Variants in RASEF observed in about 807,000 individuals in gnomAD.
RASEF encodes the protein RAS and EF-hand domain containing.
A neutral mutation model predicts 90.1 loss-of-function variants in RASEF; 68 were observed. That is an observed-to-expected ratio of 0.75 (90% CI 0.62 to 0.92). The LOEUF is 0.92. RASEF is among the 40% of genes least tolerant of loss of function. The pLI is 0.00. For synonymous variants in RASEF, 331 were observed against 345.2 expected (o/e 0.96, Z 0.46); for missense variants, 949 against 937.2 (o/e 1.01, Z -0.16).
the RASEF span, among the ~76,000 whole-genome samples, chr9:83,151,863 T>C: frequency 3.3e-5 from 5 of 152,112 alleles, no homozygotes; most frequent in South Asian, 2.1e-4. Flanking sequence ...GAAGGAACAA[T>C]AGAGACTTTT....
chr9:83,096,294 C>T, the RASEF span, among the ~76,000 whole-genome samples: 62 of 152,184 alleles, frequency 4.1e-4, no homozygotes, highest in Non-Finnish European at 6.6e-4. Flanking sequence ...GAAGTTTAGC[C>T]TTCCCTAGAT....
chr9:83,017,267 C>T (rs1431562491), intron 3 of RASEF, among the ~76,000 whole-genome samples: 2 of 148,886 alleles, frequency 1.3e-5, no homozygotes, highest in East Asian at 2.0e-4. Flanking sequence ...GGGTGGATCA[C>T]GAGGTCAGGA....
At chr9:82,997,831 A>G (rs1381000089) in intron 13 of RASEF, among the ~76,000 whole-genome samples, 1 of 152,240 alleles carries the variant, frequency 6.6e-6, no homozygotes, top group African/African-American at 2.4e-5. Flanking sequence ...GTACAGAGGC[A>G]GGCACCCCAT....
the RASEF span, among the ~76,000 whole-genome samples, chr9:83,171,591 A>G: frequency 4.6e-5 from 7 of 151,582 alleles, no homozygotes; most frequent in African/African-American, 1.7e-4. Flanking sequence ...AATTTTTATT[A>G]CTGTTTCTTT....
chr9:83,196,910 A>G, the RASEF span, among the ~76,000 whole-genome samples: 84,998 of 152,116 alleles, frequency 0.56, 24,791 homozygotes, highest in East Asian at 0.78. Flanking sequence ...TTTACCCAAC[A>G]CTTGGAACCA....
chr9:83,026,098 A>G (rs959131176), intron 1 of RASEF, among the ~76,000 whole-genome samples, 177 bp from the exon 2 acceptor site: 1 of 152,210 alleles, frequency 6.6e-6, no homozygotes, highest in Non-Finnish European at 1.5e-5. Context: ...ATTTTTCCCC[A>G]CAATAGGAGA....
chr9:83,029,992 A>G (rs1327480945), intron 1 of RASEF, among the ~76,000 whole-genome samples: 5 of 152,178 alleles, frequency 3.3e-5, no homozygotes, highest in African/African-American at 1.2e-4. Flanking sequence ...TGCCTTTGTC[A>G]TTTACTGACT....
the RASEF span, among the ~76,000 whole-genome samples, chr9:83,154,156 C>T: frequency 6.6e-6 from 1 of 152,266 alleles, no homozygotes; most frequent in Admixed American, 6.5e-5. Context: ...CTGCCACTTA[C>T]CAGGTCTTTG....
At chr9:83,147,661 T>C in the RASEF span, among the ~76,000 whole-genome samples, 4 of 152,242 alleles carry the variant, frequency 2.6e-5, no homozygotes, top group East Asian at 7.7e-4. Context: ...AGCTCTGCCA[T>C]CTACAGACAG....
chr9:82,990,502 C>G, intron 15 of RASEF, 35 bp from the exon 16 acceptor site: 4 of 1,458,996 alleles, frequency 2.7e-6, no homozygotes, highest in South Asian at 1.2e-5. Flanking sequence ...TAAATGAAGC[C>G]CTTCATTGAG....
At chr9:83,193,041 T>C in the RASEF span, among the ~76,000 whole-genome samples, 1 of 152,160 alleles carries the variant, frequency 6.6e-6, no homozygotes, top group African/African-American at 2.4e-5. Context: ...AGGTGTGAAG[T>C]ATAGAATGGA....
intron 16 of RASEF, among the ~76,000 whole-genome samples, chr9:82,989,230 G>A (rs532444476): frequency 3.3e-5 from 5 of 151,278 alleles, no homozygotes; most frequent in African/African-American, 9.7e-5. Flanking sequence ...GCATGTGTGC[G>A]TGTGTGTGTG....
the RASEF span, among the ~76,000 whole-genome samples, chr9:83,204,257 C>T: frequency 1.3e-5 from 2 of 151,984 alleles, no homozygotes; most frequent in South Asian, 4.2e-4. Context: ...ATGGAGGACA[C>T]GACACAGGCA....
At chr9:83,144,245 G>C in the RASEF span, among the ~76,000 whole-genome samples, 1 of 149,598 alleles carries the variant, frequency 6.7e-6, no homozygotes. Context: ...CTCACTGCCT[G>C]GTGCAATATA....
chr9:83,091,999 A>ATTTTTTTTTTTTTTTTTT, the RASEF span, among the ~76,000 whole-genome samples: 4 of 17,236 alleles, frequency 2.3e-4, no homozygotes, highest in African/African-American at 9.6e-4. Flanking sequence ...TTTTTCTTTT[A>ATTTTTTTTTTTTTTTTTT]TTTCTTTTTT....
the RASEF span, among the ~76,000 whole-genome samples, chr9:83,086,793 T>C: frequency 3.3e-5 from 5 of 151,854 alleles, no homozygotes; most frequent in African/African-American, 1.2e-4. Flanking sequence ...CCAGAGGAAG[T>C]GATGAGAGAG....
chr9:83,157,397 T>C, the RASEF span, among the ~76,000 whole-genome samples: 1 of 152,274 alleles, frequency 6.6e-6, no homozygotes, highest in East Asian at 1.9e-4. Context: ...CAGGAGTTGG[T>C]TTGTTACTGT....
At chr9:83,139,077 TG>T in the RASEF span, among the ~76,000 whole-genome samples, 1 of 152,250 alleles carries the variant, frequency 6.6e-6, no homozygotes, top group African/African-American at 2.4e-5. Context: ...TCTTCCTGAA[TG>T]GCAATCAGAA....
At chr9:83,097,319 G>A in the RASEF span, among the ~76,000 whole-genome samples, 1 of 152,036 alleles carries the variant, frequency 6.6e-6, no homozygotes, top group Non-Finnish European at 1.5e-5. Context: ...TTTAATGATC[G>A]CCATTCTAAC....
Sources: gnomAD v4.1 joint callset for allele counts (sites outside exome capture counted in the v4.1 genomes callset) on GRCh38, gnomAD v4.1.1 for gene constraint, MANE v1.5 for transcripts, NCBI Gene and HGNC (gene_info 2026-07-23, HGNC 2026-07-21) for gene names.